The following NCAPH2 variants were observed in gnomAD, a reference collection of about 807,000 sequenced individuals.
The protein encoded by NCAPH2 is non-SMC condensin II complex subunit H2.
Under a neutral mutation model 88.6 loss-of-function variants are expected in NCAPH2, and 56 were observed. The observed-to-expected ratio is 0.63, with a 90% CI of 0.51 to 0.79. The LOEUF (loss-of-function observed/expected upper bound fraction) is 0.79, where lower values mean the gene tolerates loss of function less well. Among genes scored for constraint, NCAPH2 ranks in the 30% least tolerant of loss-of-function variants. NCAPH2 has a pLI of 0.00. For synonymous variants in NCAPH2, 378 were observed against 313.6 expected, an observed-to-expected ratio of 1.21 and a Z score of -2.17; for missense variants, 794 against 792.0, an observed-to-expected ratio of 1.00 and a Z score of -0.03.
rs778829320 is a variant in NCAPH2 at position 50,519,245 on chromosome 22, G to C, written c.786G>C (p.Glu262Asp). 1.2e-6 allele frequency: 2 copies of C among 1,609,796 alleles called. No homozygotes were observed. The highest frequency in any genetic ancestry group is 2.7e-5 in the African/African-American group (2 of 74,920). ...GTGGGGGCGAGGACGAGGATGCAGA[G>C]GAGGCAGTAGAGCTTCCTGAGGCCT... ...PLGGGEDEDAEEAVELPEASA... is the reference protein window; with the variant it reads ...PLGGGEDEDADEAVELPEASA... Residue 262 changes from glutamate to aspartate, a missense_variant, in exon 9 of 20, where the codon GAG (glutamate) becomes GAC (aspartate). By Grantham distance (45) the Glu-to-Asp change is conservative. This residue lies in a region of NCAPH2 where 735 missense variants were observed against 696.3 expected (regional missense o/e 1.06). Transcript: ENST00000420993.
intron 1 of NCAPH2, among the ~76,000 whole-genome samples, chr22:50,510,786 C>G (rs1437405388): frequency 6.6e-6 from 1 of 151,974 alleles, no homozygotes; most frequent in Non-Finnish European, 1.5e-5. Context: ...ACCACCCTAT[C>G]TAAAATAGTC....
Position 50,523,124 on chromosome 22 carries a change from G to C in NCAPH2, c.1635G>C (p.Pro545=). Residue 545 remains proline (P), a synonymous_variant, in exon 19 of 20, where the codon CCG becomes CCC. Coordinates refer to ENST00000420993, the MANE Select transcript of NCAPH2 (RefSeq NM_152299.4). ...CPFAELVAGQ[P]AFEVCRSMLA... is the part of the protein sequence containing the mutation. Reference sequence around the variant, plus strand: ...TTGCGGAGCTGGTGGCTGGCCAGCCGGCCTTCGAGGTGTGTCGTTCCATGC... The same window carrying C: ...TTGCGGAGCTGGTGGCTGGCCAGCCCGCCTTCGAGGTGTGTCGTTCCATGC... 6.2e-7 allele frequency: 1 copy of C among 1,613,442 alleles called. No individual in the cohort carries two copies. Among genetic ancestry groups the C allele is most frequent in the Non-Finnish European group, 8.5e-7 (1 of 1,179,764 alleles).
chr22:50,521,434 G>A, intron 10 of NCAPH2, 109 bp from the exon 11 acceptor site: 1 of 1,169,166 alleles, frequency 8.6e-7, no homozygotes, highest in Non-Finnish European at 1.3e-6. Context: ...GCGCGGCTGT[G>A]TACCCCCTAC....
chr22:50,518,646 C>G lies in NCAPH2; in HGVS notation c.647-3C>G, dbSNP rs764623980. 1 of 1,604,266 alleles carries G rather than the reference C, an allele frequency of 6.2e-7. No individual in the cohort carries two copies. ...GACCTTGTCTGATCCCTGTCTCTCCCAGACACCGGGAGGACTGAGGAGCAG... is the reference window on the plus strand; with the variant it reads ...GACCTTGTCTGATCCCTGTCTCTCCGAGACACCGGGAGGACTGAGGAGCAG... On this transcript the variant is annotated splice_polypyrimidine_tract_variant and splice_region_variant and intron_variant, in intron 7 of 19. Transcript: ENST00000420993.
intron 7 of NCAPH2, 91 bp downstream of exon 7, chr22:50,518,369 G>A: frequency 2.6e-6 from 4 of 1,525,132 alleles, no homozygotes; most frequent in Middle Eastern, 4.9e-4. Flanking sequence ...GCCACCTCTG[G>A]TCTTGGGAGC....
Position 50,522,213 on chromosome 22 carries a change from G to C in NCAPH2, c.1195G>C (p.Glu399Gln). Residue 399 changes from glutamate to glutamine, a missense_variant, in exon 14 of 20, where the codon GAG becomes CAG. By Grantham distance (29) the Glu-to-Gln change is conservative (BLOSUM62 2). This residue lies in a region of NCAPH2 where 735 missense variants were observed against 696.3 expected (regional missense o/e 1.06). Coordinates refer to ENST00000420993, the MANE Select transcript of NCAPH2 (RefSeq NM_152299.4). ...GGTCCTGTACTGGACACACGTGAAG[G>C]AGCAGTTGGAAACTCTCCGGAAGCT... ...MEVLYWTHVKEQLETLRKLQR... is the reference protein window; with the variant it reads ...MEVLYWTHVKQQLETLRKLQR... 6.2e-7 allele frequency: 1 copy of C among 1,613,872 alleles called. No homozygotes were observed. The highest frequency in any genetic ancestry group is 8.5e-7 in the Non-Finnish European group (1 of 1,179,980).
intron 9 of NCAPH2, chr22:50,519,906 T>C (rs191132309): frequency 2.1e-6 from 1 of 485,080 alleles, no homozygotes; most frequent in Admixed American, 6.4e-5. Flanking sequence ...AGTTTTGCTC[T>C]GTCCCCCAGG....
chr22:50,515,963 G>A (rs1401189670), intron 1 of NCAPH2, among the ~76,000 whole-genome samples: 2 of 151,576 alleles, frequency 1.3e-5, no homozygotes, highest in Non-Finnish European at 2.9e-5. Flanking sequence ...GCGCACTGAC[G>A]TTTAAGGGGT....
At chr22:50,520,166 G>A (rs547790741) in intron 9 of NCAPH2, among the ~76,000 whole-genome samples, 5 of 152,094 alleles carry the variant, frequency 3.3e-5, no homozygotes, top group Admixed American at 6.5e-5. Flanking sequence ...CACCACGCCC[G>A]GCCCACTGTT....
chr22:50,515,969 G>T (rs1355419731), intron 1 of NCAPH2, among the ~76,000 whole-genome samples: 3 of 151,044 alleles, frequency 2.0e-5, no homozygotes, highest in Admixed American at 6.6e-5. Context: ...TGACGTTTAA[G>T]GGGTGACAGA....
At chr22:50,508,939 A>G (rs779226317) in intron 1 of NCAPH2, among the ~76,000 whole-genome samples, 1 of 152,024 alleles carries the variant, frequency 6.6e-6, no homozygotes, top group African/African-American at 2.4e-5. Flanking sequence ...TCTGCTCCAT[A>G]TTTGCGCTTC....
rs1219847867 is a variant in NCAPH2, at chr22:50,524,049, GC to G, written c.*678del. The G allele has an allele frequency of 9.9e-6, 16 of 1,613,452 alleles. No homozygotes were observed. Among genetic ancestry groups the G allele is most frequent in the Non-Finnish European group, 1.3e-5 (15 of 1,180,032 alleles). ...AGCCAAAGTACATCAGCACCCACTG[GC>G]CCCGGAAGTCAGCCTTGCAGCGAGC... On this transcript the variant is annotated 3_prime_UTR_variant, in exon 20 of 20. Transcript: ENST00000420993.
At chr22:50,522,606 C>T (rs1393551244) in intron 16 of NCAPH2, 37 bp downstream of exon 16, 5 of 1,613,460 alleles carry the variant, frequency 3.1e-6, no homozygotes, top group Non-Finnish European at 4.2e-6. Flanking sequence ...TGAGGGGCCA[C>T]TGGAGCTGGG....
At chr22:50,519,605 C>T (rs527410903) in intron 9 of NCAPH2, 186 of 1,223,294 alleles carry the variant, frequency 1.5e-4, no homozygotes, top group African/African-American at 7.3e-4. Flanking sequence ...GGATGGCCGC[C>T]GGTTGCCAAG....
Position 50,521,776 on chromosome 22 carries a change from G to A in NCAPH2, c.1036G>A (p.Ala346Thr). ...CTCTGTGCCCCCCTGTGTGGAGGAG[G>A]CTCTGGGACAGAAGCGCAAGAGGAA... ...PYSVPPCVEE[A>T]LGQKRKRKGA... The change falls in exon 12 of 20, where the codon GCT becomes ACT. Residue 346 changes from alanine (A) to threonine (T), a missense_variant. Coordinates refer to ENST00000420993, the MANE Select transcript of NCAPH2 (RefSeq NM_152299.4). 6.2e-7 allele frequency: 1 copy of A among 1,613,984 alleles called. No homozygotes were observed.
At chr22:50,519,825 C>A in intron 9 of NCAPH2, 1 of 902,448 alleles carries the variant, frequency 1.1e-6, no homozygotes, top group Non-Finnish European at 1.3e-6. Flanking sequence ...ATATTCTATT[C>A]ATTTTTCCTA....
At chr22:50,516,952 C>A (rs564000047) in intron 2 of NCAPH2, among the ~76,000 whole-genome samples, 2 of 152,218 alleles carry the variant, frequency 1.3e-5, no homozygotes, top group Non-Finnish European at 2.9e-5. Flanking sequence ...AAGTGAGTGA[C>A]GGGCTCTGTC....
At chr22:50,510,171 T>A (rs1366341202) in intron 1 of NCAPH2, among the ~76,000 whole-genome samples, 4 of 152,222 alleles carry the variant, frequency 2.6e-5, no homozygotes. Context: ...TCCGCCTGCC[T>A]TGGCCTCCCA....
intron 1 of NCAPH2, among the ~76,000 whole-genome samples, chr22:50,513,186 C>A (rs973246713): frequency 6.6e-6 from 1 of 152,260 alleles, no homozygotes; most frequent in African/African-American, 2.4e-5. Flanking sequence ...CCTGGCAGAT[C>A]AGAATCCAGC....
Sources: gnomAD v4.1 joint callset for allele counts (sites outside exome capture counted in the v4.1 genomes callset) on GRCh38, gnomAD v4.1.1 for gene constraint, gnomAD v4.1.1 regional missense constraint, MANE v1.5 for transcripts, NCBI Gene and HGNC (gene_info 2026-07-23, HGNC 2026-07-21) for gene names.